Variants in PCDHGA4 observed in about 807,000 individuals in gnomAD.
PCDHGA4 encodes protocadherin gamma-A4.
PCDHGA4 carries 38 observed loss-of-function variants against 54.6 expected under a neutral mutation model. The ratio of observed to expected loss-of-function variants is 0.70; its 90% CI spans 0.54 to 0.91. The LOEUF (loss-of-function observed/expected upper bound fraction) is 0.91. Ranked by LOEUF, PCDHGA4 falls within the 40% of genes least tolerant of loss-of-function variation. PCDHGA4 has a pLI of 0.00. For synonymous variants in PCDHGA4, 511 were observed against 512.9 expected, an observed-to-expected ratio of 1.00 and a Z score of 0.05; for missense variants, 1,298 against 1,220.9, an observed-to-expected ratio of 1.06 and a Z score of -0.94.
intron 1 of PCDHGA4, among the ~76,000 whole-genome samples, chr5:141,443,859 GAA>G (rs2098408229): frequency 6.6e-6 from 1 of 152,104 alleles, no homozygotes; most frequent in Non-Finnish European, 1.5e-5. Context: ...TCTGAAAACT[GAA>G]AAAATTACTG....
At chr5:141,371,687 G>T in intron 1 of PCDHGA4, 1 of 1,614,014 alleles carries the variant, frequency 6.2e-7, no homozygotes, top group Non-Finnish European at 8.5e-7. Flanking sequence ...GCAATCCACC[G>T]CTCTCCTCCA....
At chr5:141,408,473 G>A (rs2095117243) in intron 1 of PCDHGA4, 5 of 1,613,952 alleles carry the variant, frequency 3.1e-6, no homozygotes, top group African/African-American at 1.3e-5. Flanking sequence ...GAACCGAATA[G>A]ACCGTGAGCA....
At chr5:141,397,668 C>T (rs1455080741) in intron 1 of PCDHGA4, among the ~76,000 whole-genome samples, 3 of 152,224 alleles carry the variant, frequency 2.0e-5, no homozygotes, top group African/African-American at 7.2e-5. Flanking sequence ...AAAGAATGGA[C>T]CAATGTATGC....
rs2099413746 is a variant in PCDHGA4, at chr5:141,477,589, G to A, written c.2515-17218G>A. ...ACCCCGACGCCCCGCAGAATGCTCGGCTTTCTTTCTTTCTCTTGGAGCAAG... is the reference window on the plus strand; with the variant it reads ...ACCCCGACGCCCCGCAGAATGCTCGACTTTCTTTCTTTCTCTTGGAGCAAG... On this transcript the variant is annotated intron_variant, in intron 1 of 3. Transcript: ENST00000571252. The surrounding 1 kb of genome is among the most constrained non-coding windows in gnomAD (Gnocchi z 4.9). 1 of 1,614,012 alleles carries A rather than the reference G, an allele frequency of 6.2e-7. No individual in the cohort carries two copies. The highest frequency in any genetic ancestry group is 1.1e-5 in the South Asian group (1 of 91,090).
intron 2 of PCDHGA4, 40 bp from the exon 3 acceptor site, chr5:141,505,353 G>T (rs376781305): frequency 1.7e-5 from 27 of 1,613,426 alleles, no homozygotes; most frequent in Non-Finnish European, 2.0e-5. Flanking sequence ...GAGCTGTGCC[G>T]GCCTGGGAGT....
chr5:141,388,144 G>A (rs1327741980), intron 1 of PCDHGA4: 2 of 1,458,202 alleles, frequency 1.4e-6, no homozygotes, highest in Non-Finnish European at 9.5e-7. Flanking sequence ...TTGCTTGTGA[G>A]CAGCAGGCTA....
Position 141,356,846 on chromosome 5 carries a change from G to T in PCDHGA4, c.1739G>T (p.Ser580Ile), listed in dbSNP as rs766650445. The change falls in exon 1 of 4, where the codon AGC becomes ATC. Residue 580 changes from serine to isoleucine, a missense_variant. Physicochemically the swap from Ser to Ile is moderately radical, Grantham distance 142. Coordinates refer to ENST00000571252, the MANE Select transcript of PCDHGA4 (RefSeq NM_018917.4). ...CCACTCAGCAGCAATGTGTCACTGA[G>T]CCTCTTTGTGCTGGACCAGAACGAC... The part of the protein sequence containing the change: ...DPPLSSNVSL[S>I]LFVLDQNDNV... The T allele has an allele frequency of 6.2e-7, 1 of 1,614,178 alleles. No individual in the cohort carries two copies. Among genetic ancestry groups the T allele is most frequent in the Admixed American group, 1.7e-5 (1 of 60,038 alleles).
rs2096315825 is a variant in PCDHGA4 at position 141,419,028 on chromosome 5, T to C, written c.2514+61407T>C. On this transcript the variant is annotated intron_variant, in intron 1 of 3. Coordinates refer to ENST00000571252, the MANE Select transcript of PCDHGA4 (RefSeq NM_018917.4). ...GTCAGGTGTAGCTTAAGTAGAGGTG[T>C]TCCATTTAAGATTCATTCTTCTTCT... 5.0e-6 allele frequency: 8 copies of C among 1,613,638 alleles called. No individual in the cohort carries two copies. The South Asian group carries it at 8.8e-5, about 18-fold the overall frequency.
At chr5:141,406,346 G>T (rs1296474677) in intron 1 of PCDHGA4, among the ~76,000 whole-genome samples, 2 of 152,092 alleles carry the variant, frequency 1.3e-5, no homozygotes, top group Non-Finnish European at 2.9e-5. Flanking sequence ...ATTTATTCAG[G>T]TCATACTATG....
chr5:141,366,539 G>A, intron 1 of PCDHGA4: 1 of 1,614,248 alleles, frequency 6.2e-7, no homozygotes, highest in Non-Finnish European at 8.5e-7. Flanking sequence ...GGGTGTGCCC[G>A]CCTCGCACTT....
chr5:141,444,551 G>A (rs758187608), intron 1 of PCDHGA4, among the ~76,000 whole-genome samples: 1 of 152,022 alleles, frequency 6.6e-6, no homozygotes, highest in Non-Finnish European at 1.5e-5. Context: ...TGAGCAAAAG[G>A]CACTTATTTG....
At chr5:141,482,936 G>T (rs2099574800) in intron 1 of PCDHGA4, among the ~76,000 whole-genome samples, 1 of 152,050 alleles carries the variant, frequency 6.6e-6, no homozygotes, top group Admixed American at 6.5e-5. Context: ...AGCCAGGTGT[G>T]GTTGTGGGTG....
In PCDHGA4 at chr5:141,490,507, G is replaced by C; in HGVS notation, c.2515-4300G>C. 1 of 1,614,016 alleles carries C rather than the reference G, an allele frequency of 6.2e-7. No individual in the cohort carries two copies. Among genetic ancestry groups the C allele is most frequent in the Non-Finnish European group, 8.5e-7 (1 of 1,180,002 alleles). On this transcript the variant is annotated intron_variant, in intron 1 of 3. Transcript: ENST00000571252. The surrounding 1 kb of genome is among the most constrained non-coding windows in gnomAD (Gnocchi z 5.4). ...GGAGGCCACATCCCACTATATCATCGAGCTGCTGGCCAGCGATGCTGGTTC... is the reference window on the plus strand; with the variant it reads ...GGAGGCCACATCCCACTATATCATCCAGCTGCTGGCCAGCGATGCTGGTTC...
At chr5:141,398,075 A>T in intron 1 of PCDHGA4, 1 of 1,592,106 alleles carries the variant, frequency 6.3e-7, no homozygotes, top group Non-Finnish European at 8.6e-7. Flanking sequence ...TACAGAGGTT[A>T]TTTGTAACCT....
At chr5:141,403,579 C>T in intron 1 of PCDHGA4, 2 of 1,613,926 alleles carry the variant, frequency 1.2e-6, no homozygotes, top group South Asian at 1.1e-5. Flanking sequence ...CTGCCCACCA[C>T]CTGGTCCTCA....
At position 141,357,621 on chromosome 5, in the gene PCDHGA4, G is replaced by A. The variant is rs746909809; in HGVS notation, c.2514G>A (p.Gln838=). The stretch of plus-strand genomic sequence containing the variant: ...AAACAAAAGGAGACCCTAATCTTCA[G>A]GTGAGTCAATCTTATAATAGATCAT... The part of the protein sequence containing the change: ...LLETKGDPNL[Q]QAPPNTDWRF... Residue 838 remains glutamine (Q), a splice_region_variant and synonymous_variant, in exon 1 of 4, where the codon CAG becomes CAA. Transcript: ENST00000571252. The A allele has an allele frequency of 1.9e-6, 3 of 1,613,788 alleles. No individual in the cohort carries two copies. In the South Asian group the frequency reaches 3.3e-5, roughly 18 times the overall value.
At chr5:141,397,978 C>G in intron 1 of PCDHGA4, 1 of 1,261,722 alleles carries the variant, frequency 7.9e-7, no homozygotes, top group Non-Finnish European at 1.1e-6. Flanking sequence ...CAGCGCCGGC[C>G]TTTACACCGC....
chr5:141,457,891 T>C (rs2154566084), intron 1 of PCDHGA4, among the ~76,000 whole-genome samples: 1 of 152,346 alleles, frequency 6.6e-6, no homozygotes, highest in South Asian at 2.1e-4. Context: ...GTGTGGGGAC[T>C]GTGTAGACAA....
At chr5:141,375,056 CCAGGT>C in intron 1 of PCDHGA4, 2 of 1,613,966 alleles carry the variant, frequency 1.2e-6, no homozygotes, top group Non-Finnish European at 1.7e-6. Flanking sequence ...CCGGGATGGG[CCAGGT>C]CTTCGAGACA....
Sources: gnomAD v4.1 joint callset for allele counts (sites outside exome capture counted in the v4.1 genomes callset) on GRCh38, gnomAD v4.1.1 for gene constraint, Gnocchi (gnomAD v3.1) non-coding constraint, MANE v1.5 for transcripts, NCBI Gene and HGNC (gene_info 2026-07-23, HGNC 2026-07-21) for gene names.